Variants in FLG2 observed in about 807,000 individuals in gnomAD.
FLG2 encodes the protein filaggrin-2.
FLG2 carries 7 observed loss-of-function variants against 3.9 expected under a neutral mutation model. The observed-to-expected ratio is 1.79, with a 90% CI of 1.02 to 3.36. The LOEUF (loss-of-function observed/expected upper bound fraction) is 3.36, where lower values mean the gene tolerates loss of function less well. Ranked by LOEUF, FLG2 falls within the 30% of genes most tolerant of loss-of-function variation. The pLI is 0.00. For missense variants in FLG2, 2,700 were observed against 2,809.4 expected, an observed-to-expected ratio of 0.96 and a Z score of 0.88; for synonymous variants, 1,031 against 1,056.1, an observed-to-expected ratio of 0.98 and a Z score of 0.46.
chr1:152,359,028 G>A, intron 1 of FLG2, 122 bp from the exon 2 acceptor site: 1 of 867,242 alleles, frequency 1.2e-6, no homozygotes, highest in South Asian at 1.8e-5. Flanking sequence ...CAAAACGTAA[G>A]AATGGGCCAG....
Position 152,353,219 on chromosome 1 carries a change from CGTGA to C in FLG2, c.4563_4566del (p.His1522AlafsTer13), listed in dbSNP as rs1654032731. On this transcript the variant is annotated frameshift_variant, in exon 3 of 3. Coordinates refer to ENST00000388718, the MANE Select transcript of FLG2 (RefSeq NM_001014342.3). LOFTEE classifies it low-confidence loss of function (END_TRUNC). ...TCTCCATGTTGAGATCCACTTTGGCCGTGAGTGTGTCCTGAATGTGTGTGCGAGC... is the reference window on the plus strand; with the variant it reads ...TCTCCATGTTGAGATCCACTTTGGCCGTGTGTCCTGAATGTGTGTGCGAGC... The C allele has an allele frequency of 3.8e-6, 6 of 1,561,524 alleles. No homozygotes were observed. The Admixed American group carries it at 5.5e-5, about 14-fold the overall frequency.
chr1:152,350,767 G>T lies in FLG2; in HGVS notation c.7019C>A (p.Ser2340Ter). Residue 2340 changes from serine (S) to a stop codon, truncating the protein, a stop_gained, in exon 3 of 3, where the codon TCA (serine) becomes TAA (stop). Transcript: ENST00000388718. LOFTEE classifies it low-confidence loss of function (END_TRUNC). ...GCTGCCATGTTTCCAAACCTGACTTGATCCATGCCTTTGCCTTTCACTACT... is the reference window on the plus strand; with the variant it reads ...GCTGCCATGTTTCCAAACCTGACTTTATCCATGCCTTTGCCTTTCACTACT... ...SHSSERQRHG[S>*]SQVWKHGSYG... 6.2e-7 allele frequency: 1 copy of T among 1,614,178 alleles called. No individual in the cohort carries two copies. The highest frequency in any genetic ancestry group is 1.1e-5 in the South Asian group (1 of 91,074).
chr1:152,358,325 C>T (rs1056979372), intron 2 of FLG2, among the ~76,000 whole-genome samples: 1 of 151,910 alleles, frequency 6.6e-6, no homozygotes, highest in African/African-American at 2.4e-5. Context: ...CTAGCTGAGT[C>T]CTTTTTAAGT....
Position 152,356,154 on chromosome 1 carries a change from G to A in FLG2, c.1632C>T (p.Gly544=), listed in dbSNP as rs1654220530. 1.9e-6 allele frequency: 3 copies of A among 1,613,518 alleles called. No individual in the cohort carries two copies. The highest frequency in any genetic ancestry group is 1.1e-5 in the South Asian group (1 of 91,046). The stretch of plus-strand genomic sequence containing the variant: ...ATTGACTTGAGCCAGAACCATGTTG[G>A]CCATAGCTAGACTGACGTGATCTAG... The part of the protein sequence containing the change: ...HESRSRQSSY[G]QHGSGSSQSS... Residue 544 remains glycine, a synonymous_variant, in exon 3 of 3, where the codon GGC becomes GGT. Transcript: ENST00000388718.
In FLG2 at chr1:152,353,191, G is replaced by A. The variant is rs758393445; in HGVS notation, c.4595C>T (p.Ser1532Leu). 22 of 1,612,582 alleles carry A rather than the reference G, an allele frequency of 1.4e-5. No homozygotes were observed. In the Admixed American group the frequency reaches 3.5e-4, roughly 26 times the overall value. Residue 1532 changes from serine to leucine, a missense_variant, in exon 3 of 3, where the codon TCA becomes TTA. Physicochemically the swap from Ser to Leu is moderately radical, Grantham distance 145. Transcript: ENST00000388718. ...HGQSGSQHGE[S>L]ESIIHDRHRI... Reference sequence around the variant, plus strand: ...GTGTCTGTCATGAATTATGGATTCTGACTCTCCATGTTGAGATCCACTTTG... The same window carrying A: ...GTGTCTGTCATGAATTATGGATTCTAACTCTCCATGTTGAGATCCACTTTG...
At position 152,349,954 on chromosome 1, in the gene FLG2, C is replaced by T. The variant is rs763111847; in HGVS notation, c.*656G>A. 6.5e-6 allele frequency: 1 copy of T among 154,400 alleles called. No individual in the cohort carries two copies. Among genetic ancestry groups the T allele is most frequent in the Admixed American group, 6.4e-5 (1 of 15,666 alleles). 9.6% of individuals were successfully genotyped at this position (154,400 alleles called of 1,614,324 possible). ...AGGGTCTTGGCTGTCAAGAAAGTGA[C>T]TGAAAATGTATCTTTGACTTTTGCT... On this transcript the variant is annotated 3_prime_UTR_variant, in exon 3 of 3. Transcript: ENST00000388718.
chr1:152,354,082 C>A lies in FLG2; in HGVS notation c.3704G>T (p.Arg1235Ile). 1 of 1,614,240 alleles carries A rather than the reference C, an allele frequency of 6.2e-7. No individual in the cohort carries two copies. The highest frequency in any genetic ancestry group is 8.5e-7 in the Non-Finnish European group (1 of 1,180,046). The change falls in exon 3 of 3, where the codon AGA (arginine) becomes ATA (isoleucine). Residue 1235 changes from arginine to isoleucine, a missense_variant. Physicochemically the swap from Arg to Ile is moderately conservative, Grantham distance 97. Transcript: ENST00000388718. The part of the protein sequence containing the change: ...QVESGSTVHG[R>I]QETTHGQTIN... ...TGTCTGACCATGAGTAGTTTCCTGT[C>A]TCCCATGAACTGTGGATCCTGACTC...
chr1:152,357,144 G>T lies in FLG2; in HGVS notation c.642C>A (p.Ser214Arg), dbSNP rs1654269983. Reference sequence around the variant, plus strand: ...ACTCCTCCCCAGATTCCCTAGAAGGGCTAATGTGTGACTTGTTTATTCTTT... The same window carrying T: ...ACTCCTCCCCAGATTCCCTAGAAGGTCTAATGTGTGACTTGTTTATTCTTT... ...LRERINKSHISPSRESGEEYE... is the reference protein window; with the variant it reads ...LRERINKSHIRPSRESGEEYE... The change falls in exon 3 of 3, where the codon AGC (serine) becomes AGA (arginine). Residue 214 changes from serine (S) to arginine (R), a missense_variant. Coordinates refer to ENST00000388718, the MANE Select transcript of FLG2 (RefSeq NM_001014342.3). 1 of 1,614,106 alleles carries T rather than the reference G, an allele frequency of 6.2e-7. No homozygotes were observed. The highest frequency in any genetic ancestry group is 1.1e-5 in the South Asian group (1 of 91,070).
Position 152,353,301 on chromosome 1 carries a change from T to C in FLG2, c.4485A>G (p.Gly1495=). Residue 1495 remains glycine, a synonymous_variant, in exon 3 of 3, where the codon GGA becomes GGG. Coordinates refer to ENST00000388718, the MANE Select transcript of FLG2 (RefSeq NM_001014342.3). ...KSTQRGSSTT[G]RRGSGHSESS... is the part of the protein sequence containing the mutation. ...ACTCACTGTGGCCAGATCCCCTTCT[T>C]CCAGTTGTACTGGACCCTCTCTGTG... 1 of 1,609,260 alleles carries C rather than the reference T, an allele frequency of 6.2e-7. No homozygotes were observed. The highest frequency in any genetic ancestry group is 1.3e-5 in the African/African-American group (1 of 74,672).
In FLG2 at chr1:152,353,936, C is replaced by G. The variant is rs775944212; in HGVS notation, c.3850G>C (p.Val1284Leu). The G allele has an allele frequency of 8.1e-6, 13 of 1,614,074 alleles. No individual in the cohort carries two copies. In the East Asian group the frequency reaches 2.7e-4, roughly 33 times the overall value. ...ENSDSEVHSK[V>L]SHRHSEHIHT... ...ATGTGTTCTGAATGTCTGTGTGAGACCTTTGAGTGCACTTCACTGTCACTG... is the reference window on the plus strand; with the variant it reads ...ATGTGTTCTGAATGTCTGTGTGAGAGCTTTGAGTGCACTTCACTGTCACTG... The change falls in exon 3 of 3, where the codon GTC (valine) becomes CTC (leucine). Residue 1284 changes from valine to leucine, a missense_variant. Val to Leu is a conservative substitution (Grantham distance 32). Transcript: ENST00000388718.
At position 152,351,559 on chromosome 1, in the gene FLG2, G is replaced by A. The variant is rs1653923030; in HGVS notation, c.6227C>T (p.Thr2076Ile). 2 of 1,612,286 alleles carry A rather than the reference G, an allele frequency of 1.2e-6. No homozygotes were observed. The highest frequency in any genetic ancestry group is 8.5e-7 in the Non-Finnish European group (1 of 1,179,650). ...HERHGTTHGQTGDTTRHAHSG... is the reference protein window; with the variant it reads ...HERHGTTHGQIGDTTRHAHSG... ...GTGAGCATGTCTAGTGGTATCTCCT[G>A]TCTGTCCATGAGTAGTTCCGTGTCT... is the stretch of plus-strand genomic sequence containing the variant. Residue 2076 changes from threonine to isoleucine, a missense_variant, in exon 3 of 3, where the codon ACA (threonine) becomes ATA (isoleucine). Physicochemically the swap from Thr to Ile is moderately conservative, Grantham distance 89. Coordinates refer to ENST00000388718, the MANE Select transcript of FLG2 (RefSeq NM_001014342.3).
chr1:152,358,948 T>A, intron 1 of FLG2, 42 bp from the exon 2 acceptor site: 6 of 1,499,274 alleles, frequency 4.0e-6, no homozygotes, highest in South Asian at 2.7e-5. Context: ...TCATATTCTC[T>A]CCTTTTATCA....
chr1:152,354,596 A>G lies in FLG2; in HGVS notation c.3190T>C (p.Phe1064Leu). ...CGTGATCTAGACTCATATTGTCCAA[A>G]ACCAGAGGATTGTCCTGAACCAGTC... ...HGTGSGQSSG[F>L]GQYESRSRQS... is the part of the protein sequence containing the mutation. The change falls in exon 3 of 3, where the codon TTT (phenylalanine) becomes CTT (leucine). Residue 1064 changes from phenylalanine to leucine, a missense_variant. By Grantham distance (22) the Phe-to-Leu change is conservative. Coordinates refer to ENST00000388718, the MANE Select transcript of FLG2 (RefSeq NM_001014342.3). The G allele has an allele frequency of 6.2e-7, 1 of 1,613,558 alleles. No individual in the cohort carries two copies. Among genetic ancestry groups the G allele is most frequent in the South Asian group, 1.1e-5 (1 of 91,042 alleles).
chr1:152,354,570 A>T lies in FLG2; in HGVS notation c.3216T>A (p.Arg1072=), dbSNP rs1398773112. The T allele has an allele frequency of 2.5e-6, 4 of 1,613,602 alleles. No individual in the cohort carries two copies. The highest frequency in any genetic ancestry group is 2.7e-5 in the African/African-American group (2 of 74,742). ...AACCATGTTGGCCATAGCTAGACTGACGTGATCTAGACTCATATTGTCCAA... is the reference window on the plus strand; with the variant it reads ...AACCATGTTGGCCATAGCTAGACTGTCGTGATCTAGACTCATATTGTCCAA... ...SGFGQYESRS[R]QSSYGQHGSG... is the part of the protein sequence containing the mutation. Residue 1072 remains arginine (R), a synonymous_variant, in exon 3 of 3, where the codon CGT becomes CGA. Coordinates refer to ENST00000388718, the MANE Select transcript of FLG2 (RefSeq NM_001014342.3).
In FLG2 at chr1:152,353,307, T is replaced by A. The variant is rs1654039520; in HGVS notation, c.4479A>T (p.Thr1493=). The A allele has an allele frequency of 6.2e-7, 1 of 1,613,308 alleles. No individual in the cohort carries two copies. The highest frequency in any genetic ancestry group is 2.2e-5 in the East Asian group (1 of 44,794). The change falls in exon 3 of 3, where the codon ACA becomes ACT. Residue 1493 remains threonine, a synonymous_variant. Coordinates refer to ENST00000388718, the MANE Select transcript of FLG2 (RefSeq NM_001014342.3). ...HGKSTQRGSS[T]TGRRGSGHSE... ...TGTGGCCAGATCCCCTTCTTCCAGT[T>A]GTACTGGACCCTCTCTGTGTGGATT...
rs778025641 is a variant in FLG2 at position 152,354,394 on chromosome 1, T to C, written c.3392A>G (p.His1131Arg). The C allele has an allele frequency of 6.2e-7, 1 of 1,613,962 alleles. No homozygotes were observed. The highest frequency in any genetic ancestry group is 8.5e-7 in the Non-Finnish European group (1 of 1,179,990). Reference protein sequence around the residue: ...GSGQSSGFGQHGSGTGKSSGF... With the variant: ...GSGQSSGFGQRGSGTGKSSGF... ...AGAGGATTTACCTGTGCCTGACCCATGTTGTCCAAAGCCAGAAGACTGACC... is the reference window on the plus strand; with the variant it reads ...AGAGGATTTACCTGTGCCTGACCCACGTTGTCCAAAGCCAGAAGACTGACC... Residue 1131 changes from histidine (H) to arginine (R), a missense_variant, in exon 3 of 3, where the codon CAT becomes CGT. Physicochemically the swap from His to Arg is conservative, Grantham distance 29. Transcript: ENST00000388718.
Position 152,355,643 on chromosome 1 carries a change from G to A in FLG2, c.2143C>T (p.Gln715Ter). 6.2e-7 allele frequency: 1 copy of A among 1,612,958 alleles called. No individual in the cohort carries two copies. Among genetic ancestry groups the A allele is most frequent in the Non-Finnish European group, 8.5e-7 (1 of 1,179,868 alleles). ...GYGQHGSSSG[Q>*]TSGFGQHELS... ...TCGTGTTGTCCAAATCCAGATGTCT[G>A]TCCTGAACTTGACCCATGTTGACCA... Residue 715 changes from glutamine to a stop codon, truncating the protein, a stop_gained, in exon 3 of 3, where the codon CAG becomes TAG. Coordinates refer to ENST00000388718, the MANE Select transcript of FLG2 (RefSeq NM_001014342.3). LOFTEE classifies it low-confidence loss of function (END_TRUNC).
In FLG2 at chr1:152,354,441, A is replaced by G. The variant is rs931841555; in HGVS notation, c.3345T>C (p.Phe1115=). 3 of 1,614,054 alleles carry G rather than the reference A, an allele frequency of 1.9e-6. No homozygotes were observed. Among genetic ancestry groups the G allele is most frequent in the Non-Finnish European group, 2.5e-6 (3 of 1,180,036 alleles). Residue 1115 remains phenylalanine (F), a synonymous_variant, in exon 3 of 3, where the codon TTT becomes TTC. Transcript: ENST00000388718. ...HRPGSGQSSG[F]GQYGSGSGQS... ...GACCTGAGCCCGATCCATATTGGCC[A>G]AAGCCAGAGGACTGACCTGAGCCTG...
At position 152,356,376 on chromosome 1, in the gene FLG2, C is replaced by A. The variant is rs1654232043; in HGVS notation, c.1410G>T (p.Gly470=). The stretch of plus-strand genomic sequence containing the variant: ...AGCCAGATGTCTTACCTGAGCTAGA[C>A]CCATGCTGGTCATAGCCCAAGGATT... ...SSQSLGYDQH[G]SSSGKTSGFG... is the part of the protein sequence containing the mutation. The change falls in exon 3 of 3, where the codon GGG becomes GGT. Residue 470 remains glycine, a synonymous_variant. Coordinates refer to ENST00000388718, the MANE Select transcript of FLG2 (RefSeq NM_001014342.3). 1 of 1,614,072 alleles carries A rather than the reference C, an allele frequency of 6.2e-7. No homozygotes were observed. The highest frequency in any genetic ancestry group is 1.7e-5 in the Admixed American group (1 of 60,012).
Sources: allele counts gnomAD v4.1 joint callset (sites outside exome capture counted in the v4.1 genomes callset), GRCh38; gene constraint gnomAD v4.1.1; transcripts MANE v1.5; gene names NCBI Gene and HGNC (gene_info 2026-07-23, HGNC 2026-07-21).